The following C19orf12 variants were observed in gnomAD, a reference collection of about 807,000 sequenced individuals.
C19orf12 encodes the protein protein C19orf12.
Under a neutral mutation model 3.8 loss-of-function variants are expected in C19orf12, and 2 were observed. The ratio of observed to expected loss-of-function variants is 0.53; its 90% CI spans 0.22 to 1.66. The LOEUF is 1.66. Ranked by LOEUF, C19orf12 falls within the 40% of genes most tolerant of loss-of-function variation. The pLI, the probability that C19orf12 is intolerant of heterozygous loss-of-function variation, is 0.20. For missense variants in C19orf12, 156 were observed against 188.8 expected (o/e 0.83, Z 1.02); for synonymous variants, 89 against 84.6 (o/e 1.05, Z -0.28).
At chr19:29,715,598 C>G, upstream of C19orf12, 1 of 212,838 alleles carries the variant, frequency 4.7e-6, no homozygotes, top group Non-Finnish European at 1.0e-5. Flanking sequence ...CCGGAGACCT[C>G]CCTCCCTTTG....
chr19:29,701,780 G>A lies in C19orf12; in HGVS notation c.*932C>T, dbSNP rs780576623. 4 of 450,636 alleles carry A rather than the reference G, an allele frequency of 8.9e-6. No homozygotes were observed. The highest frequency in any genetic ancestry group is 2.0e-5 in the African/African-American group (1 of 49,810). 27.9% of individuals were successfully genotyped at this position (450,636 alleles called of 1,614,324 possible). On this transcript the variant is annotated 3_prime_UTR_variant, in exon 3 of 3. Coordinates refer to ENST00000323670, the MANE Select transcript of C19orf12 (RefSeq NM_031448.6). ...TTCCAACAGCATGTGCTCACTTTGC[G>A]TTTCTGTGTCAGCATTTTGAACAGT...
At chr19:29,713,170 G>A (rs748773515) in intron 1 of C19orf12, among the ~76,000 whole-genome samples, 2 of 152,138 alleles carry the variant, frequency 1.3e-5, no homozygotes, top group Non-Finnish European at 2.9e-5. Context: ...TTCTCCCACC[G>A]CAAGGCTGCC....
intron 1 of C19orf12, among the ~76,000 whole-genome samples, chr19:29,712,400 G>A (rs752450572): frequency 3.3e-5 from 5 of 151,260 alleles, no homozygotes; most frequent in East Asian, 1.9e-4. Context: ...GTGGGACTCC[G>A]TCTCAAAAAA....
chr19:29,700,944 T>C lies in C19orf12; in HGVS notation c.*1768A>G, dbSNP rs577795873. On this transcript the variant is annotated 3_prime_UTR_variant, in exon 3 of 3. Transcript: ENST00000323670. ...CAAGGAATAACATTTTTTGTAGAGA[T>C]GGAGGTCTCACTATATTGCCCAGGC... is the stretch of plus-strand genomic sequence containing the variant. The C allele has an allele frequency of 4.6e-5, 21 of 454,008 alleles. No homozygotes were observed. In the East Asian group the frequency reaches 1.5e-3, roughly 32 times the overall value. The allele number at this position is 454,008 out of a possible 1,614,324, so 28.1% of individuals were successfully genotyped here.
At chr19:29,703,081 T>C in intron 2 of C19orf12, 104 bp from the exon 3 acceptor site, 1 of 1,516,496 alleles carries the variant, frequency 6.6e-7, no homozygotes, top group East Asian at 2.3e-5. Flanking sequence ...GCAGGCACAT[T>C]CATGAGCGGG....
At position 29,703,378 on chromosome 19, in the gene C19orf12, C is replaced by CTTTTTT. The variant is rs1165470646; in HGVS notation, c.161-407_161-402dup. Among the ~76,000 whole-genome samples, 392 of 128,348 alleles carry CTTTTTT rather than the reference C, an allele frequency of 3.1e-3. 2 individuals carry two copies. Among genetic ancestry groups the CTTTTTT allele is most frequent in the African/African-American group, 9.0e-3 (318 of 35,476 alleles). 84.2% of individuals were successfully genotyped at this position (128,348 alleles called of 152,430 possible). On this transcript the variant is annotated intron_variant, in intron 2 of 2. Transcript: ENST00000323670. ...AACAAATGCATTTTCTTTTTCTTTT[C>CTTTTTT]TTTTTTTTTTTTTTTTTTTTGAGAC...
At chr19:29,708,503 TTTTAA>T in intron 1 of C19orf12, 80 bp from the exon 2 acceptor site, 1 of 1,573,160 alleles carries the variant, frequency 6.4e-7, no homozygotes, top group Non-Finnish European at 8.7e-7. Context: ...GTTCCTAGAG[TTTTAA>T]GGAAGGGTCC....
chr19:29,698,997 T>A lies in C19orf12; in HGVS notation c.*3715A>T. The A allele has an allele frequency of 2.2e-6, 1 of 453,268 alleles. No homozygotes were observed. Among genetic ancestry groups the A allele is most frequent in the East Asian group, 7.0e-5 (1 of 14,366 alleles). The allele number at this position is 453,268 out of a possible 1,614,324, so 28.1% of individuals were successfully genotyped here. On this transcript the variant is annotated 3_prime_UTR_variant, in exon 3 of 3. Coordinates refer to ENST00000323670, the MANE Select transcript of C19orf12 (RefSeq NM_031448.6). ...TTACTGTAATACTTCAGCATTACAGTAGTAAAAATCCACAAATGGAATTCA... is the reference window on the plus strand; with the variant it reads ...TTACTGTAATACTTCAGCATTACAGAAGTAAAAATCCACAAATGGAATTCA...
rs1315411801 is a variant in C19orf12 at position 29,700,919 on chromosome 19, C to A, written c.*1793G>T. On this transcript the variant is annotated 3_prime_UTR_variant, in exon 3 of 3. Transcript: ENST00000323670. Reference sequence around the variant, plus strand: ...CTGCCCTGCCCCAGGACCTGGGGACCAAGGAATAACATTTTTTGTAGAGAT... The same window carrying A: ...CTGCCCTGCCCCAGGACCTGGGGACAAAGGAATAACATTTTTTGTAGAGAT... 6.6e-6 allele frequency: 3 copies of A among 453,886 alleles called. No homozygotes were observed. The highest frequency in any genetic ancestry group is 1.3e-5 in the Non-Finnish European group (3 of 226,746). 28.1% of individuals were successfully genotyped at this position (453,886 alleles called of 1,614,324 possible).
At position 29,715,001 on chromosome 19, in the gene C19orf12, C is replaced by A. The variant is rs767622377; in HGVS notation, c.-11+124G>T. ...CCCGGCACCGGGAGGGCCGGGCTCC[C>A]GGCAGGGCGGGGACCCTCTCCCCAA... On this transcript the variant is annotated intron_variant, in intron 1 of 2. Coordinates refer to ENST00000323670, the MANE Select transcript of C19orf12 (RefSeq NM_031448.6). 138 of 711,764 alleles carry A rather than the reference C, an allele frequency of 1.9e-4. 2 individuals are homozygous for A. The highest frequency in any genetic ancestry group is 1.4e-3 in the Middle Eastern group (6 of 4,346). 44.1% of individuals were successfully genotyped at this position (711,764 alleles called of 1,614,324 possible). A position where few individuals can be genotyped will look rare whatever the true frequency, so the allele number is the denominator to read the frequency against.
chr19:29,704,238 G>A (rs1301691322), intron 2 of C19orf12, among the ~76,000 whole-genome samples: 1 of 152,156 alleles, frequency 6.6e-6, no homozygotes, highest in Non-Finnish European at 1.5e-5. Flanking sequence ...GAGAGGCCGA[G>A]GTGGGCGAAT....
At chr19:29,703,852 T>C (rs969293519) in intron 2 of C19orf12, among the ~76,000 whole-genome samples, 2 of 151,928 alleles carry the variant, frequency 1.3e-5, no homozygotes, top group Non-Finnish European at 2.9e-5. Context: ...TTAGCTGGGC[T>C]TGGGGGCACA....
upstream of C19orf12, chr19:29,715,563 C>T: frequency 4.5e-6 from 1 of 224,462 alleles, no homozygotes; most frequent in South Asian, 3.8e-5. Flanking sequence ...CCCCGCGCAC[C>T]TGCCTCCAGG....
chr19:29,703,569 A>G (rs992478735), intron 2 of C19orf12, among the ~76,000 whole-genome samples: 5 of 151,614 alleles, frequency 3.3e-5, no homozygotes, highest in East Asian at 3.9e-4. Context: ...TTGTAGAAAC[A>G]GGGTTTCACC....
intron 1 of C19orf12, among the ~76,000 whole-genome samples, chr19:29,710,511 T>C (rs1202997440): frequency 3.3e-5 from 5 of 152,184 alleles, no homozygotes; most frequent in South Asian, 2.1e-4. Context: ...GATCTCACTT[T>C]GGGCAGCAAG....
intron 2 of C19orf12, among the ~76,000 whole-genome samples, chr19:29,706,167 G>T (rs953282081): frequency 6.6e-5 from 10 of 152,184 alleles, no homozygotes; most frequent in African/African-American, 2.4e-4. Flanking sequence ...CAAAAGAAAG[G>T]CACATTCTGG....
In C19orf12 at chr19:29,701,561, C is replaced by G. The variant is rs1972085280; in HGVS notation, c.*1151G>C. On this transcript the variant is annotated 3_prime_UTR_variant, in exon 3 of 3. Coordinates refer to ENST00000323670, the MANE Select transcript of C19orf12 (RefSeq NM_031448.6). ...TGGTTGGATCTAAATGTGGAGACCA[C>G]AGTTACGGAGAGCTGACTGTACTGG... is the stretch of plus-strand genomic sequence containing the variant. The G allele has an allele frequency of 6.6e-6, 3 of 453,962 alleles. No individual in the cohort carries two copies. The allele number at this position is 453,962 out of a possible 1,614,324, so 28.1% of individuals were successfully genotyped here.
At chr19:29,705,087 T>A (rs1050782041) in intron 2 of C19orf12, among the ~76,000 whole-genome samples, 1 of 152,146 alleles carries the variant, frequency 6.6e-6, no homozygotes, top group East Asian at 1.9e-4. Context: ...CCAGCAAACA[T>A]GCCCTTAACC....
chr19:29,715,162 C>A lies in C19orf12; in HGVS notation c.-48G>T. ...AGGTCTACGCGGCGCGCTCGGCGATCAGACGCGGCTGCAGCCCGGGCCTGG... is the reference window on the plus strand; with the variant it reads ...AGGTCTACGCGGCGCGCTCGGCGATAAGACGCGGCTGCAGCCCGGGCCTGG... On this transcript the variant is annotated 5_prime_UTR_variant, in exon 1 of 3. Coordinates refer to ENST00000323670, the MANE Select transcript of C19orf12 (RefSeq NM_031448.6). The A allele has an allele frequency of 1.8e-6, 1 of 559,540 alleles. No homozygotes were observed. 34.7% of individuals were successfully genotyped at this position (559,540 alleles called of 1,614,324 possible). A position where few individuals can be genotyped will look rare whatever the true frequency, so the allele number is the denominator to read the frequency against.
Sources: allele counts gnomAD v4.1 joint callset (sites outside exome capture counted in the v4.1 genomes callset), GRCh38; gene constraint gnomAD v4.1.1; transcripts MANE v1.5; gene names NCBI Gene and HGNC (gene_info 2026-07-23, HGNC 2026-07-21).